Variants in PRTFDC1 observed in about 807,000 individuals in gnomAD.
PRTFDC1 encodes phosphoribosyltransferase domain-containing protein 1.
A neutral mutation model predicts 34.6 loss-of-function variants in PRTFDC1; 38 were observed. The observed-to-expected ratio is 1.10, with a 90% CI of 0.85 to 1.44. PRTFDC1 has a LOEUF of 1.44. Ranked by LOEUF, PRTFDC1 falls within the 40% of genes most tolerant of loss-of-function variation. The pLI, the probability that PRTFDC1 is intolerant of heterozygous loss-of-function variation, is 0.00. For synonymous variants in PRTFDC1, 93 were observed against 98.1 expected (o/e 0.95, Z 0.31); for missense variants, 270 against 283.0 (o/e 0.95, Z 0.33).
At chr10:24,938,234 A>G (rs1382682101) in intron 2 of PRTFDC1, among the ~76,000 whole-genome samples, 6 of 152,122 alleles carry the variant, frequency 3.9e-5, no homozygotes, top group African/African-American at 1.4e-4. Flanking sequence ...TTCTCAAAAA[A>G]AAAAAAAGAA....
intron 3 of PRTFDC1, chr10:24,908,547 AG>A (rs1848574383): frequency 6.2e-7 from 1 of 1,612,688 alleles, no homozygotes; most frequent in Non-Finnish European, 8.5e-7. Context: ...ATGTGGAAAC[AG>A]GGAATGAGCA....
At chr10:24,938,867 T>A (rs1849097251) in intron 2 of PRTFDC1, among the ~76,000 whole-genome samples, 1 of 152,140 alleles carries the variant, frequency 6.6e-6, no homozygotes, top group African/African-American at 2.4e-5. Context: ...GGTTGGAAAT[T>A]TGAATCTACT....
intron 1 of PRTFDC1, among the ~76,000 whole-genome samples, chr10:24,949,261 T>C (rs1160713769): frequency 3.9e-5 from 6 of 152,180 alleles, no homozygotes; most frequent in South Asian, 2.1e-4. Flanking sequence ...GGCTAAGTTT[T>C]GTATTTTTTG....
At chr10:24,889,887 G>A (rs1848232083) in intron 3 of PRTFDC1, among the ~76,000 whole-genome samples, 1 of 152,172 alleles carries the variant, frequency 6.6e-6, no homozygotes, top group Non-Finnish European at 1.5e-5. Context: ...GGAGGCTAAG[G>A]GCTTGGAAAG....
At chr10:24,893,272 T>TTTC (rs1555048499) in intron 3 of PRTFDC1, among the ~76,000 whole-genome samples, 64 of 91,472 alleles carry the variant, frequency 7.0e-4, no homozygotes, top group African/African-American at 2.7e-3. Context: ...CTCTCTCTCT[T>TTTC]TCTCTCTCTC....
chr10:24,854,512 C>G (rs1847541121), intron 7 of PRTFDC1, among the ~76,000 whole-genome samples: 1 of 152,046 alleles, frequency 6.6e-6, no homozygotes, highest in Non-Finnish European at 1.5e-5. Context: ...CCAAATTATC[C>G]CAGGAGCTTT....
At chr10:24,951,991 G>A (rs1165545595) in intron 1 of PRTFDC1, among the ~76,000 whole-genome samples, 1 of 152,238 alleles carries the variant, frequency 6.6e-6, no homozygotes, top group Non-Finnish European at 1.5e-5. Context: ...AGCTCCTGCA[G>A]AGGCCTCCAC....
At chr10:24,924,940 T>C (rs1848847279) in intron 3 of PRTFDC1, among the ~76,000 whole-genome samples, 1 of 152,180 alleles carries the variant, frequency 6.6e-6, no homozygotes, top group African/African-American at 2.4e-5. Flanking sequence ...GAACTAGAAA[T>C]ACCTTTGACC....
intron 3 of PRTFDC1, among the ~76,000 whole-genome samples, chr10:24,928,643 C>T (rs576509940): frequency 7.9e-5 from 12 of 152,160 alleles, no homozygotes; most frequent in Non-Finnish European, 1.6e-4. Flanking sequence ...GGGGTTTCAC[C>T]ATGTTGGCCA....
In PRTFDC1 at chr10:24,849,809, G is replaced by T; in HGVS notation, c.*35C>A. On this transcript the variant is annotated 3_prime_UTR_variant, in exon 9 of 9. Transcript: ENST00000320152. ...TCCCAAGTACAGGCGTAAATATGAT[G>T]CTATCTGGGACTTTAGTGGTGAGAA... is the stretch of plus-strand genomic sequence containing the variant. The T allele has an allele frequency of 2.5e-6, 4 of 1,605,880 alleles. No homozygotes were observed. The highest frequency in any genetic ancestry group is 2.6e-6 in the Non-Finnish European group (3 of 1,172,752).
intron 3 of PRTFDC1, among the ~76,000 whole-genome samples, chr10:24,936,504 T>G (rs905107474): frequency 6.6e-6 from 1 of 152,224 alleles, no homozygotes; most frequent in Non-Finnish European, 1.5e-5. Flanking sequence ...CAGGCTGGTC[T>G]CGAACTCCTG....
rs555391139 is a variant in PRTFDC1, at chr10:24,848,687, G to T, written c.*1157C>A. The T allele has an allele frequency of 6.6e-6, 1 of 152,032 alleles. No homozygotes were observed. The highest frequency in any genetic ancestry group is 6.5e-5 in the Admixed American group (1 of 15,268). The allele number at this position is 152,032 out of a possible 1,614,324, so 9.4% of individuals were successfully genotyped here. ...AACCTAATAACAATACGCCACATAC[G>T]GTTCAGAACCAAACAAAAGCTGCTT... is the stretch of plus-strand genomic sequence containing the variant. On this transcript the variant is annotated 3_prime_UTR_variant, in exon 9 of 9. Coordinates refer to ENST00000320152, the MANE Select transcript of PRTFDC1 (RefSeq NM_020200.7).
Position 24,849,901 on chromosome 10 carries a change from TA to T in PRTFDC1, c.631-11del. 1 of 1,613,736 alleles carries T rather than the reference TA, an allele frequency of 6.2e-7. No homozygotes were observed. Among genetic ancestry groups the T allele is most frequent in the East Asian group, 2.2e-5 (1 of 44,864 alleles). On this transcript the variant is annotated splice_polypyrimidine_tract_variant and intron_variant, in intron 8 of 8. Transcript: ENST00000320152. ...TGATGACGCATATGTGCTGAAACAA[TA>T]AAGGATTTAAACGCATCAGTTTCTT...
chr10:24,853,111 A>G (rs1847517365), intron 7 of PRTFDC1, among the ~76,000 whole-genome samples: 1 of 152,162 alleles, frequency 6.6e-6, no homozygotes, highest in Admixed American at 6.6e-5. Flanking sequence ...GAGAAAAGAA[A>G]GAATCAATCA....
Position 24,854,376 on chromosome 10 carries a change from C to G in PRTFDC1, c.553+942G>C, listed in dbSNP as rs942722174. 2.6e-5 allele frequency among the ~76,000 whole-genome samples: 4 copies of G among 152,258 alleles called. No individual in the cohort carries two copies. In the East Asian group the frequency reaches 7.7e-4, roughly 29 times the overall value. On this transcript the variant is annotated intron_variant, in intron 7 of 8. Transcript: ENST00000320152. ...CTGACATGGTCCAGAGTTAACACATCCAGCACAGGCATGAAACTTGTTTTC... is the reference window on the plus strand; with the variant it reads ...CTGACATGGTCCAGAGTTAACACATGCAGCACAGGCATGAAACTTGTTTTC...
At chr10:24,942,585 G>A in intron 1 of PRTFDC1, 149 bp from the exon 2 acceptor site, 1 of 671,228 alleles carries the variant, frequency 1.5e-6, no homozygotes, top group Non-Finnish European at 2.7e-6. Context: ...CTGATACAAG[G>A]CGCAGTACTA....
At chr10:24,861,092 A>G (rs1324177145) in intron 4 of PRTFDC1, among the ~76,000 whole-genome samples, 2 of 141,460 alleles carry the variant, frequency 1.4e-5, no homozygotes, top group Non-Finnish European at 2.9e-5. Context: ...ATTCTAAGAT[A>G]TAGTGGTAAG....
At position 24,932,785 on chromosome 10, in the gene PRTFDC1, T is replaced by G. The variant is rs114325596; in HGVS notation, c.339+4399A>C. ...TTTTGTAGAAATCAGCTACATGATA[T>G]TAAATTTATATGGAAAGACAAAGAA... On this transcript the variant is annotated intron_variant, in intron 3 of 8. Coordinates refer to ENST00000320152, the MANE Select transcript of PRTFDC1 (RefSeq NM_020200.7). Among the ~76,000 whole-genome samples the G allele has an allele frequency of 9.7e-3, 1,483 of 152,166 alleles. 33 individuals carry two copies. Among genetic ancestry groups the G allele is most frequent in the African/African-American group, 0.034 (1,400 of 41,560 alleles).
intron 3 of PRTFDC1, among the ~76,000 whole-genome samples, chr10:24,927,081 T>TA (rs894641849): frequency 1.3e-5 from 2 of 151,804 alleles, no homozygotes; most frequent in African/African-American, 4.8e-5. Flanking sequence ...GGTTTCACTT[T>TA]AAAAAAAAAT....
Sources: allele counts gnomAD v4.1 joint callset (sites outside exome capture counted in the v4.1 genomes callset), GRCh38; gene constraint gnomAD v4.1.1; transcripts MANE v1.5; gene names NCBI Gene and HGNC (gene_info 2026-07-23, HGNC 2026-07-21).